BICRAL: variants seen among roughly 807,000 people sequenced by gnomAD.
BICRAL encodes BRD4-interacting chromatin-remodeling complex-associated protein-like.
In BICRAL, 8 loss-of-function variants were observed where a neutral mutation model predicts 91.8. The ratio of observed to expected loss-of-function variants is 0.09; its 90% CI spans 0.05 to 0.16. The LOEUF (loss-of-function observed/expected upper bound fraction) is 0.16. Among genes scored for constraint, BICRAL ranks in the 10% least tolerant of loss-of-function variants. The pLI is 1.00. For missense variants in BICRAL, 1,038 were observed against 1,310.9 expected, an observed-to-expected ratio of 0.79 and a Z score of 3.21; for synonymous variants, 445 against 491.1, an observed-to-expected ratio of 0.91 and a Z score of 1.24.
chr6:42,827,456 C>T (rs1764337720), intron 5 of BICRAL, among the ~76,000 whole-genome samples: 1 of 152,248 alleles, frequency 6.6e-6, no homozygotes, highest in Non-Finnish European at 1.5e-5. Context: ...TATCCCTCAA[C>T]ATTAATGATT....
intron 12 of BICRAL, among the ~76,000 whole-genome samples, chr6:42,864,290 A>G (rs2114051678): frequency 6.6e-6 from 1 of 152,332 alleles, no homozygotes; most frequent in African/African-American, 2.4e-5. Context: ...CGGTGAGCCA[A>G]GATCGTACCA....
intron 8 of BICRAL, among the ~76,000 whole-genome samples, chr6:42,855,530 C>T (rs974229976): frequency 1.4e-4 from 21 of 150,890 alleles, no homozygotes; most frequent in Non-Finnish European, 2.1e-4. Flanking sequence ...CGACAGAGCA[C>T]GACCCTGTCA....
chr6:42,786,479 A>T (rs1562460759), intron 1 of BICRAL, among the ~76,000 whole-genome samples: 2 of 117,232 alleles, frequency 1.7e-5, no homozygotes, highest in Non-Finnish European at 3.4e-5. Context: ...GCTTGAAAGG[A>T]GGGGGAAATC....
At chr6:42,814,506 T>TAC in intron 2 of BICRAL, among the ~76,000 whole-genome samples, 1 of 93,330 alleles carries the variant, frequency 1.1e-5, no homozygotes, top group Non-Finnish European at 2.1e-5. Flanking sequence ...TGTGTATATA[T>TAC]ATATATATAT....
chr6:42,863,938 C>T (rs763306960), intron 12 of BICRAL, among the ~76,000 whole-genome samples: 87 of 151,880 alleles, frequency 5.7e-4, no homozygotes, highest in Admixed American at 1.3e-3. Flanking sequence ...CCGAGGTGGG[C>T]GGATCATCTG....
In BICRAL at chr6:42,853,758, G is replaced by A; in HGVS notation, c.2046+20G>A. ...GTGCAGGTAGAAAACTATTGGCATAGCCTCTTCCTAATGTTCGGCATAATT... is the reference window on the plus strand; with the variant it reads ...GTGCAGGTAGAAAACTATTGGCATAACCTCTTCCTAATGTTCGGCATAATT... On this transcript the variant is annotated intron_variant, in intron 8 of 12. Coordinates refer to ENST00000314073, the MANE Select transcript of BICRAL (RefSeq NM_001393499.1). 1 of 1,472,174 alleles carries A rather than the reference G, an allele frequency of 6.8e-7. No individual in the cohort carries two copies. The highest frequency in any genetic ancestry group is 9.5e-7 in the Non-Finnish European group (1 of 1,050,636). The allele number at this position is 1,472,174 out of a possible 1,614,324, so 91.2% of individuals were successfully genotyped here.
At chr6:42,809,479 C>T (rs926020602) in intron 1 of BICRAL, among the ~76,000 whole-genome samples, 2 of 147,254 alleles carry the variant, frequency 1.4e-5, no homozygotes, top group Non-Finnish European at 3.0e-5. Flanking sequence ...TCTTGTTGCC[C>T]GGACTAGAGT....
At chr6:42,787,056 G>A (rs894968696) in intron 1 of BICRAL, among the ~76,000 whole-genome samples, 2 of 152,176 alleles carry the variant, frequency 1.3e-5, no homozygotes, top group African/African-American at 2.4e-5. Context: ...GGAGGCTATT[G>A]TAGTCAGCCC....
chr6:42,856,686 T>C lies in BICRAL; in HGVS notation c.2109-405T>C, dbSNP rs185321690. On this transcript the variant is annotated intron_variant, in intron 9 of 12. Coordinates refer to ENST00000314073, the MANE Select transcript of BICRAL (RefSeq NM_001393499.1). ...ACATTTCAAATATATTGAATGTAGT[T>C]TCAGCCTACTGTTTGCTCTTTTCTT... 4.6e-3 allele frequency among the ~76,000 whole-genome samples: 704 copies of C among 152,296 alleles called. 4 individuals are homozygous for C. Among genetic ancestry groups the C allele is most frequent in the African/African-American group, 0.016 (655 of 41,568 alleles).
At chr6:42,830,330 C>A (rs1764437695) in intron 6 of BICRAL, 158 bp downstream of exon 6, 4 of 723,690 alleles carry the variant, frequency 5.5e-6, no homozygotes, top group Non-Finnish European at 8.9e-6. Flanking sequence ...CTTTGGGAGG[C>A]CAAGGCTGGA....
intron 5 of BICRAL, among the ~76,000 whole-genome samples, chr6:42,826,493 C>T (rs1764308031): frequency 6.6e-6 from 1 of 152,010 alleles, no homozygotes; most frequent in Non-Finnish European, 1.5e-5. Flanking sequence ...CCTCGGCCTC[C>T]CAAAGTGCTT....
At chr6:42,836,865 C>T (rs1438008192) in intron 6 of BICRAL, among the ~76,000 whole-genome samples, 1 of 151,884 alleles carries the variant, frequency 6.6e-6, no homozygotes, top group Non-Finnish European at 1.5e-5. Flanking sequence ...AGTGCTCCAC[C>T]TGCCTCGGCC....
Position 42,782,608 on chromosome 6 carries a change from G to C in BICRAL, c.-102+507G>C, listed in dbSNP as rs1033373210. Among the ~76,000 whole-genome samples, 228 of 150,132 alleles carry C rather than the reference G, an allele frequency of 1.5e-3. 1 individual carries two copies. The highest frequency in any genetic ancestry group is 5.2e-3 in the African/African-American group (214 of 41,044). The stretch of plus-strand genomic sequence containing the variant: ...TGCAAATTTCTGGAGCGGGGAGAGG[G>C]AGAGCCCGGGAAGGGGGTGGCGTGG... On this transcript the variant is annotated intron_variant, in intron 1 of 12. Transcript: ENST00000314073.
intron 1 of BICRAL, among the ~76,000 whole-genome samples, chr6:42,766,842 C>T (rs556911323): frequency 8.1e-4 from 123 of 152,210 alleles, no homozygotes; most frequent in Middle Eastern, 3.4e-3. Context: ...AGATCGAGAC[C>T]ATCCTGGCTA....
At chr6:42,762,048 C>T (rs1048515378) in intron 1 of BICRAL, among the ~76,000 whole-genome samples, 1 of 152,190 alleles carries the variant, frequency 6.6e-6, no homozygotes, top group Admixed American at 6.5e-5. Context: ...TTCTGCCTTC[C>T]AGTCACCACG....
intron 6 of BICRAL, among the ~76,000 whole-genome samples, chr6:42,842,408 A>G (rs1764826292): frequency 1.3e-5 from 2 of 152,090 alleles, no homozygotes; most frequent in Admixed American, 1.3e-4. Context: ...TATTTGAACC[A>G]AATCATCAGG....
intron 1 of BICRAL, among the ~76,000 whole-genome samples, chr6:42,776,779 C>T (rs901845711): frequency 6.6e-6 from 1 of 152,124 alleles, no homozygotes; most frequent in Non-Finnish European, 1.5e-5. Flanking sequence ...GCCAAAATCA[C>T]GTGGCTAAAA....
intron 1 of BICRAL, among the ~76,000 whole-genome samples, chr6:42,794,077 G>A (rs1452608641): frequency 6.6e-6 from 1 of 151,082 alleles, no homozygotes; most frequent in South Asian, 2.1e-4. Context: ...ACAGGGGCTC[G>A]CTGTGTTGCC....
intron 6 of BICRAL, among the ~76,000 whole-genome samples, chr6:42,832,433 T>TTA (rs978041067): frequency 4.1e-5 from 6 of 147,458 alleles, no homozygotes; most frequent in South Asian, 2.1e-4. Context: ...TATTATGTAT[T>TTA]TATATATATA....
Sources: gnomAD v4.1 joint callset for allele counts (sites outside exome capture counted in the v4.1 genomes callset) on GRCh38, gnomAD v4.1.1 for gene constraint, MANE v1.5 for transcripts, NCBI Gene and HGNC (gene_info 2026-07-23, HGNC 2026-07-21) for gene names.